Variants in GLRA2 observed in about 807,000 individuals in gnomAD.
GLRA2 encodes glycine receptor subunit alpha-2.
Under a neutral mutation model 31.6 loss-of-function variants are expected in GLRA2, and 11 were observed. The observed-to-expected ratio is 0.35, with a 90% CI of 0.22 to 0.58. GLRA2 has a LOEUF of 0.58. GLRA2 is among the 20% of genes least tolerant of loss of function. GLRA2 has a pLI of 0.84. For missense variants in GLRA2, 212 were observed against 351.8 expected, an observed-to-expected ratio of 0.60 and a Z score of 3.18; for synonymous variants, 132 against 134.0, an observed-to-expected ratio of 0.99 and a Z score of 0.10.
intron 7 of GLRA2, among the ~76,000 whole-genome samples, chrX:14,649,425 T>A (rs2147136412): frequency 9.0e-6 from 1 of 110,961 alleles, no homozygotes; most frequent in Non-Finnish European, 1.9e-5. Context: ...TACTATGAAC[T>A]TTAAGAGTAT....
At chrX:14,652,327 T>C (rs147444542) in intron 7 of GLRA2, among the ~76,000 whole-genome samples, 274 of 111,767 alleles carry the variant, frequency 2.5e-3, no homozygotes, top group African/African-American at 8.6e-3. Context: ...AAAATCATCC[T>C]GGTGTCCTTG....
chrX:14,481,059 T>C, the GLRA2 span, among the ~76,000 whole-genome samples: 1 of 111,430 alleles, frequency 9.0e-6, no homozygotes, highest in Non-Finnish European at 1.9e-5. Flanking sequence ...TAGCAGTGCT[T>C]TGTAGTTCTC....
chrX:14,670,009 C>A (rs1221127153), intron 7 of GLRA2, among the ~76,000 whole-genome samples: 1 of 112,108 alleles, frequency 8.9e-6, no homozygotes, highest in Non-Finnish European at 1.9e-5. Context: ...TTAACCACAC[C>A]GAAGTCACCT....
At chrX:14,680,081 T>C (rs1390733848) in intron 7 of GLRA2, among the ~76,000 whole-genome samples, 2 of 112,430 alleles carry the variant, frequency 1.8e-5, no homozygotes, top group Admixed American at 9.4e-5. Flanking sequence ...CCACAGACAA[T>C]ATGTAAATGA....
intron 2 of GLRA2, among the ~76,000 whole-genome samples, chrX:14,546,708 C>A (rs1434037317): frequency 1.8e-5 from 2 of 110,202 alleles, no homozygotes; most frequent in Non-Finnish European, 3.8e-5. Flanking sequence ...TAAGAGGTGC[C>A]AATGTATAGT....
chrX:14,566,334 A>C (rs1410759507), intron 2 of GLRA2, among the ~76,000 whole-genome samples: 1 of 112,215 alleles, frequency 8.9e-6, no homozygotes, highest in Non-Finnish European at 1.9e-5. Flanking sequence ...GTTCAAGACC[A>C]GATGGCTTCA....
At chrX:14,642,752 G>A (rs2090789379) in intron 7 of GLRA2, among the ~76,000 whole-genome samples, 2 of 110,958 alleles carry the variant, frequency 1.8e-5, no homozygotes, top group African/African-American at 6.6e-5. Flanking sequence ...TGGCTCAAGG[G>A]AAAAATAGAC....
chrX:14,455,472 A>C, the GLRA2 span, among the ~76,000 whole-genome samples: 3 of 111,852 alleles, frequency 2.7e-5, no homozygotes, highest in Admixed American at 9.5e-5. Context: ...TTTGAGGAAA[A>C]ACTAAAGGCT....
the GLRA2 span, among the ~76,000 whole-genome samples, chrX:14,516,031 A>C: frequency 8.9e-6 from 1 of 112,077 alleles, no homozygotes; most frequent in Non-Finnish European, 1.9e-5. Flanking sequence ...ACAAACCTAC[A>C]TGATGTTTTC....
At chrX:14,650,169 TAATA>T (rs779423812) in intron 7 of GLRA2, among the ~76,000 whole-genome samples, 1 of 111,526 alleles carries the variant, frequency 9.0e-6, no homozygotes, top group Non-Finnish European at 1.9e-5. Context: ...TTACAATATA[TAATA>T]AATAACAATT....
At chrX:14,526,618 C>T (rs928977708), upstream of GLRA2, among the ~76,000 whole-genome samples, 4 of 111,466 alleles carry the variant, frequency 3.6e-5, no homozygotes, top group Admixed American at 3.8e-4. Context: ...GGAGATGATG[C>T]CTTGGCCTTT....
chrX:14,712,736 G>A (rs969895320), intron 8 of GLRA2, among the ~76,000 whole-genome samples: 3 of 110,637 alleles, frequency 2.7e-5, no homozygotes, highest in African/African-American at 9.9e-5. Context: ...TTAACATGAA[G>A]TTCTGAGTAG....
chrX:14,604,120 A>G (rs2090305901), intron 4 of GLRA2, among the ~76,000 whole-genome samples, 195 bp from the exon 5 acceptor site: 1 of 110,342 alleles, frequency 9.1e-6, no homozygotes, highest in Non-Finnish European at 1.9e-5. Context: ...ATGGTGAAAT[A>G]CTACAATATT....
At chrX:14,579,653 A>G (rs1031667020) in intron 3 of GLRA2, among the ~76,000 whole-genome samples, 1 of 111,874 alleles carries the variant, frequency 8.9e-6, no homozygotes, top group African/African-American at 3.3e-5. Flanking sequence ...TTTTAAACAA[A>G]CATATAAGGT....
intron 4 of GLRA2, among the ~76,000 whole-genome samples, chrX:14,598,159 G>A (rs1392540749): frequency 7.2e-5 from 8 of 111,381 alleles, no homozygotes; most frequent in East Asian, 2.8e-4. Flanking sequence ...TCTCTTGTTC[G>A]TCCTGAAAGA....
chrX:14,675,035 G>C (rs935525708), intron 7 of GLRA2, among the ~76,000 whole-genome samples: 1 of 112,109 alleles, frequency 8.9e-6, no homozygotes, highest in Non-Finnish European at 1.9e-5. Context: ...ACAGGAAGTA[G>C]ACTATGGCAG....
At chrX:14,578,770 G>T (rs2089983939) in intron 3 of GLRA2, among the ~76,000 whole-genome samples, 1 of 111,729 alleles carries the variant, frequency 9.0e-6, no homozygotes, top group African/African-American at 3.3e-5. Context: ...GGTCAAGGGT[G>T]CTTTCATACC....
chrX:14,626,155 T>C (rs1028690971), intron 7 of GLRA2, among the ~76,000 whole-genome samples: 2 of 112,331 alleles, frequency 1.8e-5, no homozygotes, highest in African/African-American at 6.5e-5. Flanking sequence ...AATTTATATG[T>C]AGGGAAACTA....
intron 2 of GLRA2, among the ~76,000 whole-genome samples, chrX:14,562,404 G>C (rs1601713681): frequency 8.9e-6 from 1 of 111,958 alleles, no homozygotes; most frequent in African/African-American, 3.2e-5. Context: ...CCTAGTATGG[G>C]GCCCTGGTCC....
Sources: allele counts gnomAD v4.1 joint callset (sites outside exome capture counted in the v4.1 genomes callset), GRCh38; gene constraint gnomAD v4.1.1; transcripts MANE v1.5; gene names NCBI Gene and HGNC (gene_info 2026-07-23, HGNC 2026-07-21).